The following ATAD2 variants were observed in gnomAD, a reference collection of about 807,000 sequenced individuals.
ATAD2 encodes the protein ATPase family AAA domain-containing protein 2.
Under a neutral mutation model 168.9 loss-of-function variants are expected in ATAD2, and 62 were observed. The ratio of observed to expected loss-of-function variants is 0.37; its 90% CI spans 0.30 to 0.45. ATAD2 has a LOEUF of 0.45. Among genes scored for constraint, ATAD2 ranks in the 20% least tolerant of loss-of-function variants. ATAD2 has a pLI of 1.00. For synonymous variants in ATAD2, 613 were observed against 571.6 expected, an observed-to-expected ratio of 1.07 and a Z score of -1.03; for missense variants, 1,419 against 1,667.8, an observed-to-expected ratio of 0.85 and a Z score of 2.60.
At chr8:123,330,579 G>C (rs1318948540) in intron 24 of ATAD2, among the ~76,000 whole-genome samples, 1 of 151,650 alleles carries the variant, frequency 6.6e-6, no homozygotes, top group Non-Finnish European at 1.5e-5. Context: ...AGCCAGGATG[G>C]TCTCGATCAC....
At chr8:123,335,790 AC>A (rs897723663) in intron 22 of ATAD2, among the ~76,000 whole-genome samples, 58 of 152,342 alleles carry the variant, frequency 3.8e-4, no homozygotes, top group African/African-American at 1.3e-3. Context: ...CAAATAACAT[AC>A]ATTGTACCCA....
At chr8:123,387,015 A>T (rs1829664637) in intron 1 of ATAD2, among the ~76,000 whole-genome samples, 1 of 152,134 alleles carries the variant, frequency 6.6e-6, no homozygotes. Flanking sequence ...GCAATATAAA[A>T]ATAAAGGCAA....
intron 7 of ATAD2, 72 bp from the exon 8 acceptor site, chr8:123,369,247 A>C: frequency 1.7e-6 from 1 of 572,390 alleles, no homozygotes; most frequent in Non-Finnish European, 2.4e-6. Context: ...TATGAAGATA[A>C]TTTTGCTCTT....
chr8:123,400,681 C>G (rs1426927155), upstream of ATAD2: 2 of 735,610 alleles, frequency 2.7e-6, no homozygotes, highest in Non-Finnish European at 5.0e-6. The surrounding 1 kb of genome is among the most constrained non-coding windows in gnomAD (Gnocchi z 4.5). Context: ...CAACGAGTTC[C>G]TGATTCTCCC....
chr8:123,372,593 T>TA (rs971523666), intron 3 of ATAD2, 44 bp downstream of exon 3: 2 of 1,423,178 alleles, frequency 1.4e-6, no homozygotes, highest in Non-Finnish European at 1.9e-6. Context: ...AACAGAATAT[T>TA]AATTACACAT....
chr8:123,403,771 G>A (rs374062575), intron 1 of ATAD2, among the ~76,000 whole-genome samples: 2 of 152,190 alleles, frequency 1.3e-5, no homozygotes, highest in East Asian at 1.9e-4. Flanking sequence ...TGGCGGCCTG[G>A]ACTAGTGGCA....
At chr8:123,357,305 A>G (rs1047594120) in intron 12 of ATAD2, among the ~76,000 whole-genome samples, 1 of 152,202 alleles carries the variant, frequency 6.6e-6, no homozygotes, top group Admixed American at 6.5e-5. Flanking sequence ...ATATGAGATT[A>G]CCACTCTCTT....
At chr8:123,372,994 G>A (rs1185992549) in intron 2 of ATAD2, among the ~76,000 whole-genome samples, 1 of 151,220 alleles carries the variant, frequency 6.6e-6, no homozygotes, top group Non-Finnish European at 1.5e-5. Context: ...CTGGGTTCAC[G>A]CCATTCTCCT....
chr8:123,342,484 T>TA lies in ATAD2; in HGVS notation c.2718+2399dup, dbSNP rs879677857. The TA allele has an allele frequency of 2.6e-3, 380 of 145,004 alleles. 3 individuals are homozygous for TA. The highest frequency in any genetic ancestry group is 0.014 in the East Asian group (71 of 5,050). The allele number at this position is 145,004 out of a possible 1,614,324, so 9.0% of individuals were successfully genotyped here. A position where few individuals can be genotyped will look rare whatever the true frequency, so the allele number is the denominator to read the frequency against. ...AGATTAGCATGACCCCTTTGTAAGT[T>TA]AAAAAAAAAAAGAAAGAGAAATGAA... On this transcript the variant is annotated intron_variant, in intron 19 of 27. Coordinates refer to ENST00000287394, the MANE Select transcript of ATAD2 (RefSeq NM_014109.4).
intron 1 of ATAD2, among the ~76,000 whole-genome samples, chr8:123,389,986 T>TATATATTTATATATATATATATATA (rs58743148): frequency 1.5e-5 from 1 of 67,672 alleles, no homozygotes; most frequent in Non-Finnish European, 2.9e-5. Flanking sequence ...ATATATATAT[T>TATATATTTATATATATATATATATA]TTTTTTTTTT....
At chr8:123,387,455 A>G (rs1024244728) in intron 1 of ATAD2, among the ~76,000 whole-genome samples, 3 of 152,182 alleles carry the variant, frequency 2.0e-5, no homozygotes, top group Admixed American at 1.3e-4. Flanking sequence ...AGTAATTAAC[A>G]TTGGATGACA....
At chr8:123,389,421 C>T (rs1230538708) in intron 1 of ATAD2, among the ~76,000 whole-genome samples, 3 of 150,504 alleles carry the variant, frequency 2.0e-5, no homozygotes, top group Admixed American at 6.6e-5. Flanking sequence ...GGGCGGATCA[C>T]GAAGTCGGGA....
chr8:123,391,353 A>T (rs1407774735), intron 1 of ATAD2, among the ~76,000 whole-genome samples: 1 of 151,968 alleles, frequency 6.6e-6, no homozygotes, highest in Non-Finnish European at 1.5e-5. Context: ...ACAAAAACAC[A>T]AATCTATAAG....
At chr8:123,349,484 A>T in intron 13 of ATAD2, 40 bp from the exon 14 acceptor site, 1 of 1,549,892 alleles carries the variant, frequency 6.5e-7, no homozygotes, top group South Asian at 1.1e-5. Flanking sequence ...TAATACTATG[A>T]ACACAGTCTA....
chr8:123,379,920 C>T (rs2129841794), intron 2 of ATAD2, among the ~76,000 whole-genome samples: 1 of 142,900 alleles, frequency 7.0e-6, no homozygotes, highest in East Asian at 2.1e-4. Context: ...GAGTTTCGCT[C>T]TTGTTGTCCA....
At chr8:123,397,158 T>G (rs1204908296), upstream of ATAD2, among the ~76,000 whole-genome samples, 1 of 149,064 alleles carries the variant, frequency 6.7e-6, no homozygotes, top group African/African-American at 2.5e-5. Context: ...GGAGAATCGC[T>G]TGAAGCCGGG....
chr8:123,371,767 C>T lies in ATAD2; in HGVS notation c.439G>A (p.Glu147Lys). 6.2e-7 allele frequency: 1 copy of T among 1,613,526 alleles called. No homozygotes were observed. The highest frequency in any genetic ancestry group is 8.5e-7 in the Non-Finnish European group (1 of 1,179,752). The part of the protein sequence containing the change: ...NIVQSTEHLH[E>K]DNGDVEVRRS... ...CGCACTTCAACATCACCATTATCTT[C>T]ATGTAAGTGTTCTGTACTTTGAACG... Residue 147 changes from glutamate (E) to lysine (K), a missense_variant, in exon 4 of 28, where the codon GAA becomes AAA. Glu to Lys is a moderately conservative substitution (Grantham distance 56, BLOSUM62 1). Around this residue, in one of 5 missense-constraint regions of ATAD2, gnomAD observed 419 missense variants for 423.5 expected, o/e 0.99. Coordinates refer to ENST00000287394, the MANE Select transcript of ATAD2 (RefSeq NM_014109.4).
In ATAD2 at chr8:123,360,531, C is replaced by T. The variant is rs528350491; in HGVS notation, c.1158-846G>A. 1.9e-3 allele frequency among the ~76,000 whole-genome samples: 295 copies of T among 152,152 alleles called. 1 individual carries two copies. Among genetic ancestry groups the T allele is most frequent in the African/African-American group, 6.3e-3 (263 of 41,510 alleles). On this transcript the variant is annotated intron_variant, in intron 9 of 27. Coordinates refer to ENST00000287394, the MANE Select transcript of ATAD2 (RefSeq NM_014109.4). ...CTAATTTTTGTACTTTTAGTCGAGA[C>T]GGGGTTTCACCATGCTGGACAGGCT...
chr8:123,346,494 T>A (rs1586869931), intron 17 of ATAD2, 124 bp downstream of exon 17: 5 of 1,092,650 alleles, frequency 4.6e-6, no homozygotes, highest in Non-Finnish European at 6.3e-6. Context: ...CAACAAAAAA[T>A]TTCTGGTAGT....
Sources: allele counts gnomAD v4.1 joint callset (sites outside exome capture counted in the v4.1 genomes callset), GRCh38; gene constraint gnomAD v4.1.1; regional missense constraint gnomAD v4.1.1; non-coding constraint Gnocchi (gnomAD v3.1); transcripts MANE v1.5; gene names NCBI Gene and HGNC (gene_info 2026-07-23, HGNC 2026-07-21).